The following HTR1F variants were observed in gnomAD, a reference collection of about 807,000 sequenced individuals.
HTR1F encodes 5-hydroxytryptamine receptor 1F, also known as 5-hydroxytryptamine (serotonin) receptor 1F, G protein-coupled.
HTR1F carries 17 observed loss-of-function variants against 24.0 expected under a neutral mutation model. The observed-to-expected ratio is 0.71, with a 90% CI of 0.48 to 1.06. HTR1F has a LOEUF of 1.06. Ranked by LOEUF, HTR1F falls within the 50% of genes least tolerant of loss-of-function variation. The probability of loss-of-function intolerance (pLI) is 0.00; values close to 1 mark genes in which losing one functional copy is unlikely to be tolerated. For synonymous variants in HTR1F, 186 were observed against 156.8 expected (o/e 1.19, Z -1.39); for missense variants, 391 against 427.8 (o/e 0.91, Z 0.76).
rs1705888709 is a variant in HTR1F at position 87,993,795 on chromosome 3, A to G, written c.*1945A>G. 1 of 166,684 alleles carries G rather than the reference A, an allele frequency of 6.0e-6. No individual in the cohort carries two copies. The highest frequency in any genetic ancestry group is 1.5e-5 in the Non-Finnish European group (1 of 68,072). The allele number at this position is 166,684 out of a possible 1,614,324, so 10.3% of individuals were successfully genotyped here. A position where few individuals can be genotyped will look rare whatever the true frequency, so the allele number is the denominator to read the frequency against. On this transcript the variant is annotated 3_prime_UTR_variant, in exon 3 of 3. Coordinates refer to ENST00000319595, the MANE Select transcript of HTR1F (RefSeq NM_001322209.2). ...ACGATGGGTAATCACTGATACTTTT[A>G]GCAAAAATATTACAAGTTTAGAGCA...
chr3:87,912,961 T>C (rs1028729617), intron 2 of HTR1F, among the ~76,000 whole-genome samples: 3 of 152,140 alleles, frequency 2.0e-5, no homozygotes. Context: ...AAGACTTAAA[T>C]GTAAAACCCA....
chr3:87,927,988 A>T (rs1704168094), intron 2 of HTR1F, among the ~76,000 whole-genome samples: 1 of 152,058 alleles, frequency 6.6e-6, no homozygotes, highest in Non-Finnish European at 1.5e-5. Flanking sequence ...AAATGATTTC[A>T]TAAATCACTC....
chr3:87,829,330 T>C (rs1184665216), intron 2 of HTR1F, among the ~76,000 whole-genome samples: 2 of 152,202 alleles, frequency 1.3e-5, no homozygotes, highest in Non-Finnish European at 2.9e-5. Flanking sequence ...ATAAGTAATA[T>C]TGTACATTTG....
chr3:87,826,419 A>G (rs1704462949), intron 2 of HTR1F, among the ~76,000 whole-genome samples: 1 of 152,204 alleles, frequency 6.6e-6, no homozygotes, highest in Non-Finnish European at 1.5e-5. Context: ...ATTTTTATGA[A>G]ATCAGCTCTG....
At chr3:87,829,540 C>T (rs552049859) in intron 2 of HTR1F, among the ~76,000 whole-genome samples, 1 of 152,276 alleles carries the variant, frequency 6.6e-6, no homozygotes, top group Admixed American at 6.5e-5. Flanking sequence ...TCTGGGATTC[C>T]CCCCTTCCTT....
chr3:87,864,409 T>C (rs780618203), intron 2 of HTR1F, among the ~76,000 whole-genome samples: 1 of 152,172 alleles, frequency 6.6e-6, no homozygotes, highest in Non-Finnish European at 1.5e-5. Context: ...AGAAAACTGT[T>C]AGAATTTATA....
chr3:87,931,278 T>G (rs1559637090), intron 2 of HTR1F, among the ~76,000 whole-genome samples: 2 of 151,986 alleles, frequency 1.3e-5, no homozygotes, highest in African/African-American at 4.8e-5. Flanking sequence ...AATTCCCATC[T>G]ATGAGTGAGA....
intron 2 of HTR1F, among the ~76,000 whole-genome samples, chr3:87,917,057 G>T (rs1703909709): frequency 6.6e-6 from 1 of 151,662 alleles, no homozygotes; most frequent in Non-Finnish European, 1.5e-5. Context: ...AACTCCAAAA[G>T]GAACCTCCAA....
chr3:87,818,626 T>C (rs545101478), intron 1 of HTR1F, among the ~76,000 whole-genome samples: 1 of 152,324 alleles, frequency 6.6e-6, no homozygotes, highest in East Asian at 1.9e-4. Context: ...CTCAGACCCC[T>C]GTCCTCTGTT....
At chr3:87,886,758 G>T (rs1705956325) in intron 2 of HTR1F, among the ~76,000 whole-genome samples, 1 of 152,060 alleles carries the variant, frequency 6.6e-6, no homozygotes, top group Non-Finnish European at 1.5e-5. Flanking sequence ...AAACACCTAG[G>T]AATCCAACTT....
At chr3:87,929,461 T>C (rs550556402) in intron 2 of HTR1F, among the ~76,000 whole-genome samples, 1 of 152,328 alleles carries the variant, frequency 6.6e-6, no homozygotes, top group South Asian at 2.1e-4. Context: ...ACTTAACTTC[T>C]CTGTATTGGG....
chr3:87,981,082 C>A (rs1198875150), intron 2 of HTR1F, among the ~76,000 whole-genome samples: 1 of 152,222 alleles, frequency 6.6e-6, no homozygotes, highest in African/African-American at 2.4e-5. Flanking sequence ...CTGAAGTGCA[C>A]AGCCCAGCCT....
chr3:87,849,386 G>A (rs1367780467), intron 2 of HTR1F, among the ~76,000 whole-genome samples: 67 of 151,812 alleles, frequency 4.4e-4, no homozygotes, highest in East Asian at 1.9e-3. Context: ...AAATGGTGCT[G>A]GGAAAACTGG....
At chr3:87,847,723 C>T (rs1234274744) in intron 2 of HTR1F, among the ~76,000 whole-genome samples, 2 of 151,752 alleles carry the variant, frequency 1.3e-5, no homozygotes, top group South Asian at 2.1e-4. Flanking sequence ...GTCTCTGGTA[C>T]CCATCATTCT....
At chr3:87,926,116 AT>A (rs1248993986) in intron 2 of HTR1F, among the ~76,000 whole-genome samples, 1 of 152,166 alleles carries the variant, frequency 6.6e-6, no homozygotes, top group Non-Finnish European at 1.5e-5. Flanking sequence ...CAGAAATGTA[AT>A]TGTATTTACG....
chr3:87,859,658 A>G (rs1705275055), intron 2 of HTR1F, among the ~76,000 whole-genome samples: 1 of 152,214 alleles, frequency 6.6e-6, no homozygotes, highest in Non-Finnish European at 1.5e-5. Context: ...GAGAAGCATG[A>G]GGTTTCCTAG....
intron 1 of HTR1F, among the ~76,000 whole-genome samples, chr3:87,796,162 G>C (rs1239785962): frequency 6.6e-6 from 1 of 152,176 alleles, no homozygotes; most frequent in East Asian, 1.9e-4. Context: ...ATGTATTGTA[G>C]AGATGGTGAG....
Position 87,980,991 on chromosome 3 carries a change from GCACCTGGGGGGGTGGGGCTCC to G in HTR1F, c.-42-9712_-42-9692del, listed in dbSNP as rs1182190634. 2.6e-5 allele frequency among the ~76,000 whole-genome samples: 4 copies of G among 152,050 alleles called. No homozygotes were observed. The East Asian group carries it at 7.8e-4, about 29-fold the overall frequency. ...CAGCTGTAGCTGGGGGGCTGCTGCT[GCACCTGGGGGGGTGGGGCTCC>G]CACCCCACCAACTCAGAAGGGTGCA... On this transcript the variant is annotated intron_variant, in intron 2 of 2. Transcript: ENST00000319595.
chr3:87,946,519 A>G (rs558689998), intron 2 of HTR1F, among the ~76,000 whole-genome samples: 1 of 145,518 alleles, frequency 6.9e-6, no homozygotes, highest in Non-Finnish European at 1.5e-5. Context: ...AACTTTTCTA[A>G]AATCAAATGC....
Sources: gnomAD v4.1 joint callset for allele counts (sites outside exome capture counted in the v4.1 genomes callset) on GRCh38, gnomAD v4.1.1 for gene constraint, MANE v1.5 for transcripts, NCBI Gene and HGNC (gene_info 2026-07-23, HGNC 2026-07-21) for gene names.